SOCS2: variants seen among roughly 807,000 people sequenced by gnomAD.
SOCS2 encodes the protein suppressor of cytokine signaling 2, also known as CIS-2.
A neutral mutation model predicts 18.6 loss-of-function variants in SOCS2; 10 were observed. The observed-to-expected ratio is 0.54, with a 90% confidence interval of 0.33 to 0.91. The LOEUF (loss-of-function observed/expected upper bound fraction) is 0.91, where lower values mean the gene tolerates loss of function less well. Among genes scored for constraint, SOCS2 ranks in the 40% least tolerant of loss-of-function variants. The pLI is 0.02. For missense variants in SOCS2, 231 were observed against 247.2 expected, an observed-to-expected ratio of 0.93 and a Z score of 0.44; for synonymous variants, 104 against 104.0, an observed-to-expected ratio of 1.00 and a Z score of 0.00.
chr12:93,591,238 T>C, the SOCS2 span, among the ~76,000 whole-genome samples: 1 of 151,206 alleles, frequency 6.6e-6, no homozygotes, highest in Non-Finnish European at 1.5e-5. Flanking sequence ...GGGAGGTGTT[T>C]TTTAAAAAAA....
At chr12:93,573,300 T>C (rs2136691845) in intron 1 of SOCS2, 1 of 570,396 alleles carries the variant, frequency 1.8e-6, no homozygotes, top group Admixed American at 3.4e-5. Flanking sequence ...GAAGATTTAC[T>C]GTTTTCCGCA....
the SOCS2 span, among the ~76,000 whole-genome samples, chr12:93,602,536 A>G: frequency 6.6e-6 from 1 of 152,194 alleles, no homozygotes; most frequent in Non-Finnish European, 1.5e-5. Context: ...TACTCCAGGA[A>G]ATGGAACCAG....
the SOCS2 span, among the ~76,000 whole-genome samples, chr12:93,608,054 G>A: frequency 7.1e-6 from 1 of 140,326 alleles, no homozygotes; most frequent in Non-Finnish European, 1.5e-5. Flanking sequence ...AGGCTGGAAT[G>A]CAGTGGTGCA....
the SOCS2 span, among the ~76,000 whole-genome samples, chr12:93,607,640 T>G: frequency 6.6e-6 from 1 of 152,202 alleles, no homozygotes; most frequent in Non-Finnish European, 1.5e-5. Flanking sequence ...CCAAGCAAAA[T>G]TCACAGGGAT....
chr12:93,614,681 T>G, the SOCS2 span, among the ~76,000 whole-genome samples: 1 of 148,150 alleles, frequency 6.7e-6, no homozygotes, highest in Non-Finnish European at 1.5e-5. Flanking sequence ...AGTGGTGTGA[T>G]CTCAGCCCAC....
the SOCS2 span, among the ~76,000 whole-genome samples, chr12:93,607,092 T>G: frequency 2.0e-5 from 3 of 152,194 alleles, no homozygotes; most frequent in African/African-American, 7.2e-5. Flanking sequence ...TGGCTTCTGG[T>G]TAGGCTAGAA....
At chr12:93,599,852 A>G in the SOCS2 span, among the ~76,000 whole-genome samples, 1 of 152,238 alleles carries the variant, frequency 6.6e-6, no homozygotes, top group Non-Finnish European at 1.5e-5. Flanking sequence ...GCTGGCACCT[A>G]GATATTAGAT....
the SOCS2 span, among the ~76,000 whole-genome samples, chr12:93,615,405 G>A: frequency 6.6e-6 from 1 of 152,084 alleles, no homozygotes; most frequent in Non-Finnish European, 1.5e-5. Context: ...GACATTCCTG[G>A]GCAGGGATCC....
At chr12:93,580,035 A>G (rs931010562), downstream of SOCS2, among the ~76,000 whole-genome samples, 6 of 152,216 alleles carry the variant, frequency 3.9e-5, no homozygotes, top group African/African-American at 1.2e-4. Context: ...AAGGCTTGCC[A>G]GAGTCCTAGT....
chr12:93,614,038 T>C, the SOCS2 span, among the ~76,000 whole-genome samples: 1 of 152,186 alleles, frequency 6.6e-6, no homozygotes, highest in Non-Finnish European at 1.5e-5. Flanking sequence ...AGGAATCCAC[T>C]TTACTTGGAA....
At chr12:93,589,713 A>G in the SOCS2 span, among the ~76,000 whole-genome samples, 1 of 152,238 alleles carries the variant, frequency 6.6e-6, no homozygotes, top group Non-Finnish European at 1.5e-5. Context: ...GTCCAGGAAC[A>G]TATAGATTTG....
chr12:93,625,908 GACTA>G, the SOCS2 span, among the ~76,000 whole-genome samples: 9 of 152,114 alleles, frequency 5.9e-5, no homozygotes, highest in African/African-American at 2.2e-4. Flanking sequence ...TCAATAATGA[GACTA>G]ACTGAGGTAG....
chr12:93,606,152 T>G, the SOCS2 span, among the ~76,000 whole-genome samples: 1 of 152,252 alleles, frequency 6.6e-6, no homozygotes, highest in South Asian at 2.1e-4. Flanking sequence ...ATCTAGTTGT[T>G]GTTTATATTT....
At chr12:93,584,870 C>A (rs1001586938), downstream of SOCS2, among the ~76,000 whole-genome samples, 1 of 152,080 alleles carries the variant, frequency 6.6e-6, no homozygotes, top group South Asian at 2.1e-4. Context: ...TCAAGTGATT[C>A]TCTCGCCTCA....
chr12:93,590,221 C>T, the SOCS2 span, among the ~76,000 whole-genome samples: 16 of 150,504 alleles, frequency 1.1e-4, no homozygotes, highest in Admixed American at 8.0e-4. Flanking sequence ...GGTGACAGAG[C>T]GAGACTCAGT....
At position 93,572,934 on chromosome 12, in the gene SOCS2, G is replaced by A; in HGVS notation, c.37G>A (p.Gly13Arg). ...LRCLEPSGNG[G>R]EGTRSQWGTA... is the part of the protein sequence containing the mutation. The stretch of plus-strand genomic sequence containing the variant: ...GTGCCTTGAGCCCTCCGGGAATGGC[G>A]GGGAAGGGACGCGGAGCCAGTGGGG... Residue 13 changes from glycine to arginine, a missense_variant, in exon 1 of 2, where the codon GGG becomes AGG. By Grantham distance (125) the Gly-to-Arg change is moderately radical. Coordinates refer to ENST00000551556, the MANE Select transcript of SOCS2 (RefSeq NM_001270471.2). The surrounding 1 kb of genome is among the most constrained non-coding windows in gnomAD (Gnocchi z 5.0). 6.4e-7 allele frequency: 1 copy of A among 1,573,350 alleles called. No homozygotes were observed. Among genetic ancestry groups the A allele is most frequent in the Non-Finnish European group, 8.6e-7 (1 of 1,158,292 alleles).
In SOCS2 at chr12:93,575,358, A is replaced by G; in HGVS notation, c.*179A>G. 4.6e-6 allele frequency: 2 copies of G among 432,640 alleles called. No homozygotes were observed. The highest frequency in any genetic ancestry group is 8.2e-6 in the Non-Finnish European group (2 of 245,068). 26.8% of individuals were successfully genotyped at this position (432,640 alleles called of 1,614,324 possible). On this transcript the variant is annotated 3_prime_UTR_variant, in exon 2 of 2. Transcript: ENST00000551556. ...GTAGCTAGGTGTTTAAAGTTCCTCC[A>G]GATACTTTTACCTGAGTGATGCTTC...
downstream of SOCS2, among the ~76,000 whole-genome samples, chr12:93,587,611 G>T (rs1407998107): frequency 2.0e-5 from 3 of 151,680 alleles, no homozygotes; most frequent in Non-Finnish European, 4.4e-5. Flanking sequence ...AACCTGGGAG[G>T]CAGAGGTTGC....
the SOCS2 span, among the ~76,000 whole-genome samples, chr12:93,612,823 G>A: frequency 4.6e-5 from 7 of 152,080 alleles, no homozygotes; most frequent in African/African-American, 1.7e-4. Flanking sequence ...TTCTTTAAAG[G>A]CAATGTAACC....
Sources: allele counts gnomAD v4.1 joint callset (sites outside exome capture counted in the v4.1 genomes callset), GRCh38; gene constraint gnomAD v4.1.1; non-coding constraint Gnocchi (gnomAD v3.1); transcripts MANE v1.5; gene names NCBI Gene and HGNC (gene_info 2026-07-23, HGNC 2026-07-21).